The following DPP6 variants were observed in gnomAD, a reference collection of about 807,000 sequenced individuals.
DPP6 encodes dipeptidyl peptidase like 6.
DPP6 carries 69 observed loss-of-function variants against 122.6 expected under a neutral mutation model. The ratio of observed to expected loss-of-function variants is 0.56; its 90% CI spans 0.46 to 0.69. DPP6 has a LOEUF of 0.69. DPP6 is among the 30% of genes least tolerant of loss of function. The pLI is 0.00. For missense variants in DPP6, 928 were observed against 1,116.9 expected (o/e 0.83, Z 2.41); for synonymous variants, 418 against 433.1 (o/e 0.97, Z 0.43).
At chr7:153,924,922 G>A (rs559882859) in intron 1 of DPP6, among the ~76,000 whole-genome samples, 11 of 152,196 alleles carry the variant, frequency 7.2e-5, no homozygotes, top group Non-Finnish European at 1.6e-4. Context: ...TTGTTGCGCA[G>A]CAGTCAAGAA....
intron 16 of DPP6, among the ~76,000 whole-genome samples, chr7:154,846,448 G>A (rs1204989605): frequency 6.6e-6 from 1 of 152,152 alleles, no homozygotes; most frequent in Non-Finnish European, 1.5e-5. Context: ...CAGCCGGGCT[G>A]CTGCAGACCT....
intron 8 of DPP6, 116 bp from the exon 9 acceptor site, chr7:154,769,301 A>T: frequency 7.4e-7 from 1 of 1,357,042 alleles, no homozygotes; most frequent in Non-Finnish European, 1.0e-6. Flanking sequence ...GTTGTAGCAG[A>T]TAAGGGGCTC....
intron 5 of DPP6, among the ~76,000 whole-genome samples, chr7:154,596,909 G>C (rs1180108191): frequency 3.8e-5 from 1 of 26,290 alleles, no homozygotes; most frequent in Non-Finnish European, 6.4e-5. Flanking sequence ...TTTAAAATAT[G>C]AGGTAGAAAA....
chr7:154,221,891 TA>T (rs1328672430), intron 1 of DPP6, among the ~76,000 whole-genome samples: 1 of 152,044 alleles, frequency 6.6e-6, no homozygotes, highest in Non-Finnish European at 1.5e-5. Context: ...TTTTGCATTA[TA>T]AAAAAGGCAT....
At chr7:154,684,442 G>T (rs1459040313) in intron 7 of DPP6, among the ~76,000 whole-genome samples, 1 of 152,240 alleles carries the variant, frequency 6.6e-6, no homozygotes, top group Non-Finnish European at 1.5e-5. Context: ...TTGAATGGGT[G>T]ACTCAGTCAA....
chr7:153,779,917 A>G, the DPP6 span, among the ~76,000 whole-genome samples: 2 of 151,866 alleles, frequency 1.3e-5, no homozygotes, highest in Non-Finnish European at 2.9e-5. Context: ...GAGAAGATAC[A>G]TGAAGGATAT....
intron 1 of DPP6, among the ~76,000 whole-genome samples, chr7:154,283,626 A>C (rs1804668295): frequency 6.6e-6 from 1 of 151,910 alleles, no homozygotes; most frequent in Non-Finnish European, 1.5e-5. Flanking sequence ...AGCACAAGGC[A>C]CTGTAGGAAT....
intron 16 of DPP6, among the ~76,000 whole-genome samples, chr7:154,809,749 A>T (rs769165630): frequency 6.6e-6 from 1 of 152,166 alleles, no homozygotes; most frequent in Admixed American, 6.5e-5. Flanking sequence ...AGAGGAGAGG[A>T]GAAAGAAAAA....
chr7:154,575,536 T>G (rs1831584724), intron 5 of DPP6, among the ~76,000 whole-genome samples: 1 of 128,302 alleles, frequency 7.8e-6, no homozygotes, highest in African/African-American at 3.1e-5. Context: ...GCGTAGTGTA[T>G]GTGGTGTGTG....
At chr7:154,453,049 A>G (rs1434896302) in intron 2 of DPP6, among the ~76,000 whole-genome samples, 1 of 152,180 alleles carries the variant, frequency 6.6e-6, no homozygotes, top group African/African-American at 2.4e-5. Flanking sequence ...GGCCATGCAC[A>G]GCGTATGCCT....
At chr7:154,345,881 C>T (rs1043918733) in intron 1 of DPP6, among the ~76,000 whole-genome samples, 2 of 152,224 alleles carry the variant, frequency 1.3e-5, no homozygotes, top group African/African-American at 2.4e-5. Flanking sequence ...GCTGCTCCCT[C>T]GTTCCATCCA....
At chr7:154,450,743 G>C (rs1302000768) in intron 2 of DPP6, among the ~76,000 whole-genome samples, 1 of 152,204 alleles carries the variant, frequency 6.6e-6, no homozygotes, top group Admixed American at 6.5e-5. Flanking sequence ...GAACTGCAAA[G>C]CCAATCCTTG....
At chr7:154,527,532 G>C (rs1463360632) in intron 3 of DPP6, among the ~76,000 whole-genome samples, 1 of 152,086 alleles carries the variant, frequency 6.6e-6, no homozygotes, top group African/African-American at 2.4e-5. Context: ...GTAAATTATA[G>C]ATAGAAATAA....
intron 1 of DPP6, among the ~76,000 whole-genome samples, chr7:154,299,245 C>T (rs1158058247): frequency 1.3e-5 from 2 of 152,236 alleles, no homozygotes; most frequent in Non-Finnish European, 1.5e-5. Context: ...CCCCGGTGAG[C>T]CCTGACCACG....
chr7:154,337,456 G>A (rs1809525806), intron 1 of DPP6, among the ~76,000 whole-genome samples: 1 of 152,154 alleles, frequency 6.6e-6, no homozygotes, highest in African/African-American at 2.4e-5. Flanking sequence ...TGAATTTTTA[G>A]AAAACGTCTA....
chr7:154,379,489 C>T (rs1228520675), intron 1 of DPP6, among the ~76,000 whole-genome samples: 1 of 151,906 alleles, frequency 6.6e-6, no homozygotes, highest in African/African-American at 2.4e-5. Flanking sequence ...CACATGTACC[C>T]TAGAACTTAA....
At chr7:154,252,237 C>T (rs1021846534) in intron 1 of DPP6, among the ~76,000 whole-genome samples, 17 of 115,100 alleles carry the variant, frequency 1.5e-4, no homozygotes, top group South Asian at 4.5e-4. Flanking sequence ...TGTGTGTGTG[C>T]GCGCATGCGC....
Position 154,224,791 on chromosome 7 carries a change from C to T in DPP6, c.243+171728C>T, listed in dbSNP as rs1037037457. On this transcript the variant is annotated intron_variant, in intron 1 of 25. Transcript: ENST00000377770. ...TAACATCAGCAACACAATTTGATGACGTAAGAGGGCTTTTGCAACATATGA... is the reference window on the plus strand; with the variant it reads ...TAACATCAGCAACACAATTTGATGATGTAAGAGGGCTTTTGCAACATATGA... Among the ~76,000 whole-genome samples, 5 of 148,848 alleles carry T rather than the reference C, an allele frequency of 3.4e-5. 1 individual carries two copies. The highest frequency in any genetic ancestry group is 3.9e-4 in the East Asian group (2 of 5,108).
the DPP6 span, among the ~76,000 whole-genome samples, chr7:153,760,317 T>C: frequency 6.6e-6 from 1 of 152,188 alleles, no homozygotes; most frequent in African/African-American, 2.4e-5. Flanking sequence ...AATTCAGCTG[T>C]AATAATTGTT....
Sources: gnomAD v4.1 joint callset for allele counts (sites outside exome capture counted in the v4.1 genomes callset) on GRCh38, gnomAD v4.1.1 for gene constraint, MANE v1.5 for transcripts, NCBI Gene and HGNC (gene_info 2026-07-23, HGNC 2026-07-21) for gene names.